PTGIS: variants seen among roughly 807,000 people sequenced by gnomAD.
PTGIS encodes the protein prostacyclin synthase.
A neutral mutation model predicts 50.3 loss-of-function variants in PTGIS; 45 were observed. The ratio of observed to expected loss-of-function variants is 0.90; its 90% confidence interval spans 0.70 to 1.15. PTGIS has a LOEUF of 1.15. Ranked by LOEUF, PTGIS falls within the 50% of genes most tolerant of loss-of-function variation. The pLI is 0.00. For missense variants in PTGIS, 668 were observed against 661.3 expected, an observed-to-expected ratio of 1.01 and a Z score of -0.11; for synonymous variants, 260 against 267.7, an observed-to-expected ratio of 0.97 and a Z score of 0.28.
intron 5 of PTGIS, among the ~76,000 whole-genome samples, chr20:49,529,336 A>G (rs1981874991): frequency 6.6e-6 from 1 of 152,106 alleles, no homozygotes; most frequent in Non-Finnish European, 1.5e-5. Flanking sequence ...TTTAGCTCCC[A>G]CGTATAAATG....
rs1316329514 is a variant in PTGIS at position 49,514,312 on chromosome 20, G to A, written c.939C>T (p.Leu313=). ...GCTCCGCTTGCCAAAGGATACTCTC[G>A]AGCTCTCCGCGGACAGCAGCCAGGG... ...PEALAAVRGE[L]ESILWQAEQP... Residue 313 remains leucine (L), a synonymous_variant, in exon 7 of 10, where the codon CTC becomes CTT. Transcript: ENST00000244043. 2.5e-6 allele frequency: 4 copies of A among 1,613,988 alleles called. No homozygotes were observed. Among genetic ancestry groups the A allele is most frequent in the East Asian group, 2.2e-5 (1 of 44,884 alleles).
chr20:49,529,338 G>C (rs78064204), intron 5 of PTGIS, among the ~76,000 whole-genome samples: 1 of 151,980 alleles, frequency 6.6e-6, no homozygotes, highest in African/African-American at 2.4e-5. Flanking sequence ...TAGCTCCCAC[G>C]TATAAATGAC....
At chr20:49,553,272 A>G (rs1982554960) in intron 1 of PTGIS, among the ~76,000 whole-genome samples, 2 of 152,132 alleles carry the variant, frequency 1.3e-5, no homozygotes, top group African/African-American at 2.4e-5. Flanking sequence ...TAACTTTTTG[A>G]TAAATAAGGC....
intron 1 of PTGIS, among the ~76,000 whole-genome samples, chr20:49,555,140 G>A (rs562205941): frequency 1.3e-5 from 2 of 152,110 alleles, no homozygotes; most frequent in South Asian, 4.1e-4. Context: ...GGGTGTGGTG[G>A]CAGGTGCCTA....
At chr20:49,537,910 A>G (rs1982121256) in intron 5 of PTGIS, among the ~76,000 whole-genome samples, 1 of 152,226 alleles carries the variant, frequency 6.6e-6, no homozygotes, top group South Asian at 2.1e-4. Context: ...AGGAATGGAT[A>G]AACAAATTGT....
At chr20:49,539,762 A>G in intron 4 of PTGIS, 41 bp from the exon 5 acceptor site, 1 of 1,594,180 alleles carries the variant, frequency 6.3e-7, no homozygotes. Context: ...CTCCTGGGAC[A>G]CTCATGTGTG....
chr20:49,507,536 C>T lies in PTGIS; in HGVS notation c.*384G>A, dbSNP rs954185365. 6 of 356,114 alleles carry T rather than the reference C, an allele frequency of 1.7e-5. No individual in the cohort carries two copies. The highest frequency in any genetic ancestry group is 2.7e-5 in the Non-Finnish European group (5 of 184,018). 22.1% of individuals were successfully genotyped at this position (356,114 alleles called of 1,614,324 possible). On this transcript the variant is annotated 3_prime_UTR_variant, in exon 10 of 10. Transcript: ENST00000244043. The stretch of plus-strand genomic sequence containing the variant: ...GCATCCGCTTTGACTGGATAAGGCC[C>T]GGGCCATGCTAGCTCATAAGAACTA...
intron 3 of PTGIS, 134 bp from the exon 4 acceptor site, chr20:49,544,582 C>T (rs1369450346): frequency 1.1e-6 from 1 of 899,620 alleles, no homozygotes; most frequent in Non-Finnish European, 1.8e-6. Flanking sequence ...GGAAGAGTAG[C>T]TTAAATAAGA....
Position 49,520,817 on chromosome 20 carries a change from C to G in PTGIS, c.855+3241G>C, listed in dbSNP as rs556706896. On this transcript the variant is annotated intron_variant, in intron 6 of 9. Transcript: ENST00000244043. The stretch of plus-strand genomic sequence containing the variant: ...AAGTAGCTGGGACTACAGGTGCGCA[C>G]CATCACGCCCAGCTTTTCTACAAAA... Among the ~76,000 whole-genome samples the G allele has an allele frequency of 5.3e-5, 8 of 152,078 alleles. No homozygotes were observed. The East Asian group carries it at 5.8e-4, about 11-fold the overall frequency.
In PTGIS at chr20:49,540,186, G is replaced by A. The variant is rs995761836; in HGVS notation, c.522-465C>T. ...GGAGGGAGCCCGGTGCTGGGGAGCA[G>A]CAAGGAGGCTGATGAGGCTGCAGCA... On this transcript the variant is annotated intron_variant, in intron 4 of 9. Transcript: ENST00000244043. This position sits in a 1 kb window ranked among gnomAD's most constrained non-coding sequence, Gnocchi z 4.8. Among the ~76,000 whole-genome samples the A allele has an allele frequency of 3.3e-5, 5 of 152,148 alleles. No individual in the cohort carries two copies. The highest frequency in any genetic ancestry group is 1.2e-4 in the African/African-American group (5 of 41,428).
chr20:49,536,626 G>A (rs373717174), intron 5 of PTGIS, among the ~76,000 whole-genome samples: 14 of 151,554 alleles, frequency 9.2e-5, no homozygotes, highest in African/African-American at 3.1e-4. Flanking sequence ...GATTACAGGC[G>A]CCCACCACCA....
At chr20:49,567,906 C>G (rs1000994784) in intron 1 of PTGIS, 137 bp downstream of exon 1, 35 of 797,986 alleles carry the variant, frequency 4.4e-5, no homozygotes, top group Non-Finnish European at 5.6e-5. Flanking sequence ...ACTCCCACCT[C>G]CGAGGGTCTC....
intron 9 of PTGIS, among the ~76,000 whole-genome samples, chr20:49,509,833 C>T (rs1601175601): frequency 6.7e-6 from 1 of 150,076 alleles, no homozygotes; most frequent in East Asian, 1.9e-4. Flanking sequence ...AGTGTTGGCC[C>T]CAGTCCCCCT....
At chr20:49,522,204 A>T (rs2122852476) in intron 6 of PTGIS, among the ~76,000 whole-genome samples, 1 of 151,980 alleles carries the variant, frequency 6.6e-6, no homozygotes, top group East Asian at 1.9e-4. Flanking sequence ...GGGCCTTTGC[A>T]CTTGCTGTTT....
At chr20:49,566,384 G>C (rs569837981) in intron 1 of PTGIS, among the ~76,000 whole-genome samples, 2 of 152,244 alleles carry the variant, frequency 1.3e-5, no homozygotes, top group African/African-American at 2.4e-5. Flanking sequence ...GGAGTGAAAA[G>C]AGCAAGCAAC....
Position 49,550,064 on chromosome 20 carries a change from A to T in PTGIS, c.198+2T>A. 6.2e-7 allele frequency: 1 copy of T among 1,614,186 alleles called. No individual in the cohort carries two copies. Among genetic ancestry groups the T allele is most frequent in the Non-Finnish European group, 8.5e-7 (1 of 1,180,028 alleles). On this transcript the variant is annotated splice_donor_variant, in intron 2 of 9. Transcript: ENST00000244043. LOFTEE classifies it high-confidence loss of function. ...CCCTCCCGAGGCACAAGAGGCACTTACAGTAAAGATGTCACCGTGCTTCTC... is the reference window on the plus strand; with the variant it reads ...CCCTCCCGAGGCACAAGAGGCACTTTCAGTAAAGATGTCACCGTGCTTCTC...
At chr20:49,564,493 G>A (rs1254611140) in intron 1 of PTGIS, among the ~76,000 whole-genome samples, 6 of 151,962 alleles carry the variant, frequency 3.9e-5, no homozygotes, top group Non-Finnish European at 8.8e-5. Flanking sequence ...CCTCTTGATC[G>A]GCCCGCCTCA....
In PTGIS at chr20:49,538,070, A is replaced by G. The variant is rs1041348233; in HGVS notation, c.673+1500T>C. On this transcript the variant is annotated intron_variant, in intron 5 of 9. Transcript: ENST00000244043. ...GGAGTTGGAGACCAGTCTGGGAAAC[A>G]TAGTGAAACCTCATCTCTACAAAAA... 6.6e-5 allele frequency among the ~76,000 whole-genome samples: 10 copies of G among 152,114 alleles called. 1 individual carries two copies. The South Asian group carries it at 1.0e-3, about 16-fold the overall frequency.
At chr20:49,509,694 A>G (rs1346027376) in intron 9 of PTGIS, among the ~76,000 whole-genome samples, 1 of 152,158 alleles carries the variant, frequency 6.6e-6, no homozygotes, top group Non-Finnish European at 1.5e-5. Context: ...ATCGATCTAC[A>G]GCCACAGTTA....
Sources: gnomAD v4.1 joint callset for allele counts (sites outside exome capture counted in the v4.1 genomes callset) on GRCh38, gnomAD v4.1.1 for gene constraint, Gnocchi (gnomAD v3.1) non-coding constraint, MANE v1.5 for transcripts, NCBI Gene and HGNC (gene_info 2026-07-23, HGNC 2026-07-21) for gene names.